The following PTPRD variants were observed in gnomAD, a reference collection of about 807,000 sequenced individuals.
PTPRD encodes receptor-type tyrosine-protein phosphatase delta.
In PTPRD, 34 loss-of-function variants were observed where a neutral mutation model predicts 214.5. That is an observed-to-expected ratio of 0.16 (90% CI 0.12 to 0.21). PTPRD has a LOEUF of 0.21. Ranked by LOEUF, PTPRD falls within the 10% of genes least tolerant of loss-of-function variation. PTPRD has a pLI of 1.00. For missense variants in PTPRD, 2,545 were observed against 2,398.7 expected (o/e 1.06, Z -1.27); for synonymous variants, 1,128 against 845.7 (o/e 1.33, Z -5.79).
At chr9:8,560,638 T>C (rs2085850746) in intron 14 of PTPRD, among the ~76,000 whole-genome samples, 1 of 152,150 alleles carries the variant, frequency 6.6e-6, no homozygotes, top group Non-Finnish European at 1.5e-5. Context: ...ATGGAAAGAA[T>C]GAATTACCTT....
intron 9 of PTPRD, among the ~76,000 whole-genome samples, chr9:9,201,056 T>C (rs2099941545): frequency 2.0e-5 from 3 of 152,212 alleles, no homozygotes; most frequent in Non-Finnish European, 4.4e-5. Context: ...GAGAAAAGAA[T>C]AGACACCTCT....
chr9:10,344,609 A>T (rs1029102922), intron 2 of PTPRD, among the ~76,000 whole-genome samples: 6 of 152,136 alleles, frequency 3.9e-5, no homozygotes, highest in Non-Finnish European at 7.4e-5. Context: ...TGAATCTATA[A>T]ATTACCTTGG....
chr9:10,400,904 G>C (rs1321839068), intron 2 of PTPRD, among the ~76,000 whole-genome samples: 2 of 150,852 alleles, frequency 1.3e-5, no homozygotes, highest in African/African-American at 2.4e-5. Flanking sequence ...CTATTTCTTT[G>C]TATTCCTCCA....
chr9:10,264,764 A>G (rs185124599), intron 3 of PTPRD, among the ~76,000 whole-genome samples: 1,613 of 152,096 alleles, frequency 0.011, 17 homozygotes, highest in Non-Finnish European at 0.017. Context: ...TTTGGGAGGG[A>G]CCAGGGGCGG....
intron 3 of PTPRD, among the ~76,000 whole-genome samples, chr9:10,104,447 T>C (rs1490441711): frequency 6.6e-6 from 1 of 151,708 alleles, no homozygotes; most frequent in Non-Finnish European, 1.5e-5. Context: ...AATGCAGGTC[T>C]ATAATAATAG....
chr9:9,931,956 A>C (rs1378597552), intron 5 of PTPRD, among the ~76,000 whole-genome samples: 2 of 152,024 alleles, frequency 1.3e-5, no homozygotes, highest in Non-Finnish European at 2.9e-5. Context: ...GGCACCCCCC[A>C]GCAGGGGCAC....
chr9:9,890,963 G>A (rs778193924), intron 5 of PTPRD, among the ~76,000 whole-genome samples: 6 of 152,016 alleles, frequency 3.9e-5, no homozygotes, highest in Non-Finnish European at 5.9e-5. Context: ...TATCTACATC[G>A]CTGGCAGTAA....
intron 12 of PTPRD, among the ~76,000 whole-genome samples, chr9:8,677,403 G>C (rs1289550383): frequency 6.6e-6 from 1 of 152,138 alleles, no homozygotes; most frequent in Non-Finnish European, 1.5e-5. Context: ...ATTATCCCAA[G>C]TGAACTAACA....
chr9:8,510,781 G>A (rs973391502), intron 21 of PTPRD, among the ~76,000 whole-genome samples: 1 of 152,054 alleles, frequency 6.6e-6, no homozygotes, highest in African/African-American at 2.4e-5. Context: ...CCACAACCAT[G>A]AAGCTGAGGA....
chr9:9,819,205 T>C (rs2049852007), intron 5 of PTPRD, among the ~76,000 whole-genome samples: 1 of 152,110 alleles, frequency 6.6e-6, no homozygotes, highest in African/African-American at 2.4e-5. Flanking sequence ...TTCTCTCCAA[T>C]GTGAGGAAGT....
At chr9:9,828,295 A>T (rs2053640367) in intron 5 of PTPRD, among the ~76,000 whole-genome samples, 1 of 152,194 alleles carries the variant, frequency 6.6e-6, no homozygotes, top group African/African-American at 2.4e-5. Context: ...AAAATGTGGC[A>T]CATATACATC....
rs1337096946 is a variant in PTPRD, at chr9:8,376,083, G to A, written c.4514C>T (p.Ser1505Leu). The change falls in exon 39 of 46, where the codon TCA becomes TTA. Residue 1505 changes from serine to leucine, a missense_variant. Transcript: ENST00000381196. ...TTGTCTCACTTCTCTCTTCTCACTT[G>A]AACCATTCTGTGAAATAGGAATATC... ...VRTFALYKNG[S>L]SEKREVRQFQ... 10 of 1,612,086 alleles carry A rather than the reference G, an allele frequency of 6.2e-6. No individual in the cohort carries two copies. The highest frequency in any genetic ancestry group is 8.5e-6 in the Non-Finnish European group (10 of 1,178,982).
intron 21 of PTPRD, among the ~76,000 whole-genome samples, chr9:8,510,505 C>T (rs10977166): frequency 0.04 from 6,126 of 152,168 alleles, 404 homozygotes; most frequent in African/African-American, 0.14. Context: ...TCCCAGCTTC[C>T]GATTTCCTTC....
At chr9:9,393,023 C>A (rs955495422) in intron 9 of PTPRD, among the ~76,000 whole-genome samples, 1 of 151,996 alleles carries the variant, frequency 6.6e-6, no homozygotes, top group Non-Finnish European at 1.5e-5. Context: ...TGTGATGGGG[C>A]GGGAGCTGGT....
rs145761092 is a variant in PTPRD, at chr9:10,104,386, A to T, written c.-544-70596T>A. Among the ~76,000 whole-genome samples the T allele has an allele frequency of 3.1e-3, 466 of 151,870 alleles. 4 individuals carry two copies. The highest frequency in any genetic ancestry group is 6.8e-3 in the African/African-American group (284 of 41,500). The stretch of plus-strand genomic sequence containing the variant: ...TTAATGGCTTGATGAATTCTTTAAA[A>T]ATATCTGTTGAACTTCCTATATACA... On this transcript the variant is annotated intron_variant, in intron 3 of 45. Transcript: ENST00000381196.
intron 9 of PTPRD, among the ~76,000 whole-genome samples, chr9:9,202,684 T>A (rs1395593654): frequency 6.6e-6 from 1 of 152,166 alleles, no homozygotes; most frequent in East Asian, 1.9e-4. Context: ...ACATTTGTAT[T>A]GAGAAAATAT....
intron 3 of PTPRD, among the ~76,000 whole-genome samples, chr9:10,328,311 G>C (rs190118141): frequency 6.6e-6 from 1 of 151,774 alleles, no homozygotes; most frequent in East Asian, 2.0e-4. Context: ...TCATGATCAT[G>C]TGTATTGAAT....
chr9:9,495,449 T>G (rs2096132233), intron 8 of PTPRD, among the ~76,000 whole-genome samples: 1 of 151,998 alleles, frequency 6.6e-6, no homozygotes, highest in Non-Finnish European at 1.5e-5. Context: ...TTTTTACCAA[T>G]CAAATGTTGC....
intron 3 of PTPRD, among the ~76,000 whole-genome samples, chr9:10,034,880 A>T (rs1022857976): frequency 1.3e-5 from 2 of 152,200 alleles, no homozygotes; most frequent in African/African-American, 4.8e-5. Context: ...ATAGTGCTGC[A>T]GTGAACATAC....
Sources: allele counts gnomAD v4.1 joint callset (sites outside exome capture counted in the v4.1 genomes callset), GRCh38; gene constraint gnomAD v4.1.1; transcripts MANE v1.5; gene names NCBI Gene and HGNC (gene_info 2026-07-23, HGNC 2026-07-21).